Variants in RLF observed in about 807,000 individuals in gnomAD.
RLF encodes the protein zinc finger protein Rlf.
Under a neutral mutation model 162.9 loss-of-function variants are expected in RLF, and 7 were observed. The ratio of observed to expected loss-of-function variants is 0.04; its 90% confidence interval spans 0.02 to 0.08. The LOEUF (loss-of-function observed/expected upper bound fraction) is 0.08, where lower values mean the gene tolerates loss of function less well. Among genes scored for constraint, RLF ranks in the 10% least tolerant of loss-of-function variants. RLF has a pLI of 1.00. For synonymous variants in RLF, 782 were observed against 791.5 expected, an observed-to-expected ratio of 0.99 and a Z score of 0.20; for missense variants, 1,664 against 2,244.7, an observed-to-expected ratio of 0.74 and a Z score of 5.23.
Position 40,168,235 on chromosome 1 carries a change from G to A in RLF, c.237+6599G>A, listed in dbSNP as rs1324571080. On this transcript the variant is annotated intron_variant, in intron 1 of 7. Transcript: ENST00000372771. ...GTCTCAATAAATAAATAAATAGAAA[G>A]ATACTTTTTGTTTGTTTGTTTGTTT... Among the ~76,000 whole-genome samples the A allele has an allele frequency of 2.6e-5, 4 of 151,792 alleles. No homozygotes were observed. The East Asian group carries it at 7.7e-4, about 29-fold the overall frequency.
At chr1:40,193,753 T>TTGGGTGGGTGTG (rs1186058265) in intron 3 of RLF, among the ~76,000 whole-genome samples, 4 of 151,920 alleles carry the variant, frequency 2.6e-5, no homozygotes, top group African/African-American at 9.7e-5. Flanking sequence ...ATGCAACATA[T>TTGGGTGGGTGTG]TGGGTGGGTG....
chr1:40,189,005 ATC>A (rs1435296744), intron 1 of RLF, 48 bp from the exon 2 acceptor site: 16 of 1,293,180 alleles, frequency 1.2e-5, no homozygotes, highest in Non-Finnish European at 1.7e-5. Context: ...GACAAAGACA[ATC>A]TGTTTCATTA....
At chr1:40,188,430 A>G (rs1396322548) in intron 1 of RLF, among the ~76,000 whole-genome samples, 1 of 152,200 alleles carries the variant, frequency 6.6e-6, no homozygotes, top group East Asian at 1.9e-4. Flanking sequence ...TATTCCCCCC[A>G]TTGTAACCAA....
chr1:40,167,407 A>G (rs1045726980), intron 1 of RLF, among the ~76,000 whole-genome samples: 1 of 152,226 alleles, frequency 6.6e-6, no homozygotes, highest in African/African-American at 2.4e-5. Flanking sequence ...TGTAATGCAC[A>G]TGACAAAAAC....
intron 7 of RLF, among the ~76,000 whole-genome samples, chr1:40,235,261 G>A (rs1272131575): frequency 6.6e-6 from 1 of 151,778 alleles, no homozygotes; most frequent in Non-Finnish European, 1.5e-5. Context: ...GGGTTTCTCC[G>A]TGTTGGTCAG....
At chr1:40,172,886 A>G (rs1388944492) in intron 1 of RLF, among the ~76,000 whole-genome samples, 1 of 152,180 alleles carries the variant, frequency 6.6e-6, no homozygotes, top group Non-Finnish European at 1.5e-5. Context: ...GATTGAGAGA[A>G]TGTTTAAGTT....
At chr1:40,170,040 A>T (rs1437934283) in intron 1 of RLF, among the ~76,000 whole-genome samples, 2 of 152,096 alleles carry the variant, frequency 1.3e-5, no homozygotes, top group African/African-American at 2.4e-5. Context: ...TCCAAGAGAG[A>T]CATTACGTAT....
At chr1:40,205,739 C>A (rs1310724176) in intron 5 of RLF, among the ~76,000 whole-genome samples, 1 of 152,174 alleles carries the variant, frequency 6.6e-6, no homozygotes, top group Non-Finnish European at 1.5e-5. Context: ...GATCCGCTCG[C>A]CTCTGTTTCC....
chr1:40,231,177 C>T (rs1458437731), intron 6 of RLF, among the ~76,000 whole-genome samples: 1 of 152,190 alleles, frequency 6.6e-6, no homozygotes, highest in Non-Finnish European at 1.5e-5. Context: ...TAGGACAGGG[C>T]TTAATTCAAT....
intron 1 of RLF, among the ~76,000 whole-genome samples, chr1:40,187,180 C>T (rs565270073): frequency 2.6e-5 from 4 of 151,002 alleles, no homozygotes; most frequent in South Asian, 2.1e-4. Context: ...TACAAGCGCG[C>T]GCCACCACGC....
chr1:40,188,609 A>C (rs1249742763), intron 1 of RLF, among the ~76,000 whole-genome samples: 3 of 139,044 alleles, frequency 2.2e-5, no homozygotes, highest in Non-Finnish European at 4.9e-5. Context: ...AATCAATTCC[A>C]TGTGTCCAGA....
intron 6 of RLF, among the ~76,000 whole-genome samples, chr1:40,230,648 G>T (rs538322836): frequency 2.0e-5 from 3 of 152,168 alleles, no homozygotes; most frequent in African/African-American, 7.2e-5. Flanking sequence ...GGCCAGCCTG[G>T]TTTCGAACTC....
chr1:40,233,932 C>T (rs1299097583), intron 7 of RLF, among the ~76,000 whole-genome samples: 1 of 152,160 alleles, frequency 6.6e-6, no homozygotes, highest in African/African-American at 2.4e-5. Context: ...GTCCACATCT[C>T]TTCTACTCTT....
At chr1:40,198,920 A>G (rs1310355144) in intron 4 of RLF, among the ~76,000 whole-genome samples, 2 of 152,256 alleles carry the variant, frequency 1.3e-5, no homozygotes, top group Non-Finnish European at 2.9e-5. Flanking sequence ...GATATCTTCA[A>G]ATGATTTGTA....
At chr1:40,166,094 C>A (rs1642161838) in intron 1 of RLF, among the ~76,000 whole-genome samples, 1 of 152,142 alleles carries the variant, frequency 6.6e-6, no homozygotes. Context: ...AAACGTGGTG[C>A]CTACATAATT....
intron 6 of RLF, among the ~76,000 whole-genome samples, chr1:40,230,757 G>C (rs534294822): frequency 6.6e-6 from 1 of 152,082 alleles, no homozygotes; most frequent in African/African-American, 2.4e-5. Flanking sequence ...TTTGCTATTA[G>C]AAGTGATAAC....
intron 1 of RLF, among the ~76,000 whole-genome samples, chr1:40,185,409 C>T (rs1035631371): frequency 2.8e-5 from 4 of 144,594 alleles, no homozygotes; most frequent in East Asian, 2.2e-4. Context: ...GGATTACAGG[C>T]GTGAGCCACC....
chr1:40,164,456 ATACT>A (rs956634708), intron 1 of RLF, among the ~76,000 whole-genome samples: 12 of 152,358 alleles, frequency 7.9e-5, no homozygotes, highest in South Asian at 2.1e-4. Context: ...ACTGAAAGTA[ATACT>A]TACTAAGAAA....
intron 5 of RLF, among the ~76,000 whole-genome samples, chr1:40,218,998 A>T (rs1642959891): frequency 6.6e-6 from 1 of 151,478 alleles, no homozygotes; most frequent in Non-Finnish European, 1.5e-5. Context: ...TCTTAAGTAT[A>T]AGATGTTTCC....
Sources: allele counts gnomAD v4.1 joint callset (sites outside exome capture counted in the v4.1 genomes callset), GRCh38; gene constraint gnomAD v4.1.1; transcripts MANE v1.5; gene names NCBI Gene and HGNC (gene_info 2026-07-23, HGNC 2026-07-21).